The following ASCC3 variants were observed in gnomAD, a reference collection of about 807,000 sequenced individuals.
ASCC3 encodes the protein activating signal cointegrator 1 complex subunit 3.
A neutral mutation model predicts 256.3 loss-of-function variants in ASCC3; 158 were observed. The ratio of observed to expected loss-of-function variants is 0.62; its 90% CI spans 0.54 to 0.70. The LOEUF is 0.70. Ranked by LOEUF, ASCC3 falls within the 30% of genes least tolerant of loss-of-function variation. The pLI is 0.00. For synonymous variants in ASCC3, 948 were observed against 883.4 expected, an observed-to-expected ratio of 1.07 and a Z score of -1.30; for missense variants, 2,259 against 2,626.0, an observed-to-expected ratio of 0.86 and a Z score of 3.05.
chr6:100,560,395 G>GT (rs1248952293), intron 36 of ASCC3, among the ~76,000 whole-genome samples: 1 of 152,098 alleles, frequency 6.6e-6, no homozygotes, highest in Non-Finnish European at 1.5e-5. Flanking sequence ...CAGAGCTTCT[G>GT]TTTCCCCCAG....
rs140645064 is a variant in ASCC3 at position 100,789,496 on chromosome 6, T to C, written c.1395+9217A>G. ...TGTACATTTCTTAACAGCTCCCAGA[T>C]GACTATTAAGTATAAGCAAACCTGA... On this transcript the variant is annotated intron_variant, in intron 8 of 41. Coordinates refer to ENST00000369162, the MANE Select transcript of ASCC3 (RefSeq NM_006828.4). 3.9e-4 allele frequency among the ~76,000 whole-genome samples: 60 copies of C among 152,124 alleles called. 1 individual carries two copies. Among genetic ancestry groups the C allele is most frequent in the African/African-American group, 1.4e-3 (59 of 41,554 alleles).
At chr6:100,683,491 T>C (rs1444449905) in intron 13 of ASCC3, among the ~76,000 whole-genome samples, 1 of 146,458 alleles carries the variant, frequency 6.8e-6, no homozygotes, top group East Asian at 2.5e-4. Flanking sequence ...AATTAAAAAT[T>C]TCATTGAAGT....
intron 4 of ASCC3, among the ~76,000 whole-genome samples, chr6:100,840,078 T>A (rs1462709827): frequency 6.6e-6 from 1 of 152,128 alleles, no homozygotes; most frequent in Non-Finnish European, 1.5e-5. Flanking sequence ...GTAAAAATAG[T>A]AATGAATAAC....
rs1772480630 is a variant in ASCC3, at chr6:100,848,262, C to A, written c.687G>T (p.Lys229Asn). ...NGSFLWCEVEKYLNSTLKEMT... is the reference protein window; with the variant it reads ...NGSFLWCEVENYLNSTLKEMT... ...TTTCCTTCAAAGTTGAATTTAGGTA[C>A]TTTTCAACTTCACACCACAAAAAGG... Residue 229 changes from lysine to asparagine, a missense_variant, in exon 4 of 42, where the codon AAG becomes AAT. Around this residue, in one of 2 missense-constraint regions of ASCC3, gnomAD observed 420 missense variants for 419.3 expected, o/e 1.00. Coordinates refer to ENST00000369162, the MANE Select transcript of ASCC3 (RefSeq NM_006828.4). 6.2e-7 allele frequency: 1 copy of A among 1,613,974 alleles called. No homozygotes were observed. The highest frequency in any genetic ancestry group is 1.3e-5 in the African/African-American group (1 of 74,908).
At chr6:100,557,086 G>A (rs1295728415) in intron 36 of ASCC3, among the ~76,000 whole-genome samples, 2 of 152,164 alleles carry the variant, frequency 1.3e-5, no homozygotes, top group African/African-American at 4.8e-5. Flanking sequence ...ACAGCGACAT[G>A]GGAATATCTA....
At chr6:100,547,978 T>C (rs961286054) in intron 36 of ASCC3, among the ~76,000 whole-genome samples, 2 of 151,776 alleles carry the variant, frequency 1.3e-5, no homozygotes, top group Non-Finnish European at 2.9e-5. Flanking sequence ...GAATTAATGA[T>C]TGATGTTTGC....
Position 100,848,358 on chromosome 6 carries a change from C to G in ASCC3, c.591G>C (p.Lys197Asn). 1 of 1,614,030 alleles carries G rather than the reference C, an allele frequency of 6.2e-7. No individual in the cohort carries two copies. The highest frequency in any genetic ancestry group is 8.5e-7 in the Non-Finnish European group (1 of 1,179,988). ...ETQKTISLDY[K>N]KFLNEHLQEA... ...CCTGGAGATGTTCATTCAGAAACTT[C>G]TTATAATCTAGGCTTATAGTTTTCT... Residue 197 changes from lysine to asparagine, a missense_variant, in exon 4 of 42, where the codon AAG (lysine) becomes AAC (asparagine). This residue lies in a region of ASCC3 where 420 missense variants were observed against 419.3 expected (regional missense o/e 1.00). Transcript: ENST00000369162.
chr6:100,702,607 A>G (rs773861165), intron 13 of ASCC3, among the ~76,000 whole-genome samples: 18 of 152,136 alleles, frequency 1.2e-4, no homozygotes, highest in Non-Finnish European at 2.2e-4. Flanking sequence ...TAAAGGGTCT[A>G]AGGCCACGCC....
chr6:100,797,939 CAG>C (rs759986956), intron 8 of ASCC3, among the ~76,000 whole-genome samples: 6 of 152,072 alleles, frequency 3.9e-5, no homozygotes, highest in Non-Finnish European at 8.8e-5. Flanking sequence ...ACACACAAAA[CAG>C]TGTGTATGAT....
intron 36 of ASCC3, among the ~76,000 whole-genome samples, chr6:100,559,494 C>T (rs1049908231): frequency 6.6e-6 from 1 of 152,082 alleles, no homozygotes; most frequent in African/African-American, 2.4e-5. Flanking sequence ...AATGGCAAAG[C>T]CTAATAAAAA....
chr6:100,758,628 C>T (rs1013164072), intron 10 of ASCC3, among the ~76,000 whole-genome samples: 1 of 152,140 alleles, frequency 6.6e-6, no homozygotes, highest in Admixed American at 6.5e-5. Flanking sequence ...TTTCTTTATC[C>T]AGTCTACCAT....
At position 100,540,221 on chromosome 6, in the gene ASCC3, C is replaced by A; in HGVS notation, c.5717G>T (p.Cys1906Phe). ...QAHLSRAMLPCPDYDTDTKTV... is the reference protein window; with the variant it reads ...QAHLSRAMLPFPDYDTDTKTV... ...TTTGGTATCAGTGTCATAATCTGGG[C>A]AGGGTAGCATGGCTCGGCTGAGATG... The change falls in exon 37 of 42, where the codon TGC (cysteine) becomes TTC (phenylalanine). Residue 1906 changes from cysteine (C) to phenylalanine (F), a missense_variant. Physicochemically the swap from Cys to Phe is radical, Grantham distance 205. Around this residue, in one of 2 missense-constraint regions of ASCC3, gnomAD observed 1,839 missense variants for 2,206.7 expected, o/e 0.83. Transcript: ENST00000369162. 1 of 1,614,028 alleles carries A rather than the reference C, an allele frequency of 6.2e-7. No homozygotes were observed. Among genetic ancestry groups the A allele is most frequent in the Non-Finnish European group, 8.5e-7 (1 of 1,179,988 alleles).
rs113068612 is a variant in ASCC3, at chr6:100,851,429, T to C, written c.242-2722A>G. Among the ~76,000 whole-genome samples the C allele has an allele frequency of 5.6e-3, 846 of 152,332 alleles. 5 individuals are homozygous for C. Among genetic ancestry groups the C allele is most frequent in the South Asian group, 0.022 (105 of 4,830 alleles). On this transcript the variant is annotated intron_variant, in intron 3 of 41. Transcript: ENST00000369162. Reference sequence around the variant, plus strand: ...AGCCATATACATTCACTAAATATAGTGCAGCAGATTTATATATCTTGCCTT... The same window carrying C: ...AGCCATATACATTCACTAAATATAGCGCAGCAGATTTATATATCTTGCCTT...
At chr6:100,703,853 AT>A (rs1778456961) in intron 13 of ASCC3, among the ~76,000 whole-genome samples, 1 of 151,854 alleles carries the variant, frequency 6.6e-6, no homozygotes, top group East Asian at 1.9e-4. Flanking sequence ...TCAATGTCTT[AT>A]CCTCTTCTCT....
At chr6:100,552,797 A>C (rs1769367020) in intron 36 of ASCC3, among the ~76,000 whole-genome samples, 1 of 152,016 alleles carries the variant, frequency 6.6e-6, no homozygotes, top group Non-Finnish European at 1.5e-5. Flanking sequence ...TTTTTTAATT[A>C]AAACTCAAGT....
chr6:100,858,382 T>A (rs917431664), intron 3 of ASCC3: 1 of 258,576 alleles, frequency 3.9e-6, no homozygotes, highest in Non-Finnish European at 6.0e-6. Flanking sequence ...GTAACAGGCA[T>A]TTGTGTCTAA....
intron 1 of ASCC3, among the ~76,000 whole-genome samples, chr6:100,872,958 TAATA>T (rs1773819701): frequency 2.0e-5 from 3 of 151,932 alleles, no homozygotes; most frequent in Non-Finnish European, 2.9e-5. Context: ...CTAACACTGG[TAATA>T]TGACAAAACA....
At chr6:100,712,919 G>A (rs1162294051) in intron 13 of ASCC3, among the ~76,000 whole-genome samples, 3 of 151,560 alleles carry the variant, frequency 2.0e-5, no homozygotes, top group South Asian at 2.1e-4. Flanking sequence ...CACCACGCCC[G>A]GCTAACTTTT....
intron 17 of ASCC3, among the ~76,000 whole-genome samples, chr6:100,654,256 T>C (rs1323761153): frequency 6.6e-6 from 1 of 151,828 alleles, no homozygotes; most frequent in Non-Finnish European, 1.5e-5. Flanking sequence ...CATAAGAGTT[T>C]TGTGGCCACA....
Sources: gnomAD v4.1 joint callset for allele counts (sites outside exome capture counted in the v4.1 genomes callset) on GRCh38, gnomAD v4.1.1 for gene constraint, gnomAD v4.1.1 regional missense constraint, MANE v1.5 for transcripts, NCBI Gene and HGNC (gene_info 2026-07-23, HGNC 2026-07-21) for gene names.